The following PLSCR4 variants were observed in gnomAD, a reference collection of about 807,000 sequenced individuals.
PLSCR4 encodes phospholipid scramblase 4.
Under a neutral mutation model 36.3 loss-of-function variants are expected in PLSCR4, and 25 were observed. The observed-to-expected ratio is 0.69, with a 90% CI of 0.50 to 0.96. The LOEUF is 0.96. Ranked by LOEUF, PLSCR4 falls within the 40% of genes least tolerant of loss-of-function variation. PLSCR4 has a pLI of 0.00. For synonymous variants in PLSCR4, 122 were observed against 132.9 expected (o/e 0.92, Z 0.56); for missense variants, 408 against 414.7 (o/e 0.98, Z 0.14).
rs546438276 is a variant in PLSCR4, at chr3:146,215,479, T to C, written c.118+5336A>G. On this transcript the variant is annotated intron_variant, in intron 3 of 8. Transcript: ENST00000354952. ...ATCAATGTTGCAACACTGCAATGTA[T>C]AATCATGTAAATTCTTGTTTTTACT... 3.3e-5 allele frequency among the ~76,000 whole-genome samples: 5 copies of C among 152,308 alleles called. No individual in the cohort carries two copies. The East Asian group carries it at 7.7e-4, about 23-fold the overall frequency.
chr3:146,200,030 C>T lies in PLSCR4; in HGVS notation c.407G>A (p.Cys136Tyr), dbSNP rs1476246449. 1.3e-6 allele frequency: 2 copies of T among 1,549,246 alleles called. No individual in the cohort carries two copies. ...ATCATATCTATTATTAGTTTCAAAA[C>T]ATGTCATCACTAAAAAATAAAATGA... ...QHFEPLEMMT[C>Y]FETNNRYDIK... The change falls in exon 6 of 9, where the codon TGT becomes TAT. Residue 136 changes from cysteine (C) to tyrosine (Y), a missense_variant. Physicochemically the swap from Cys to Tyr is radical, Grantham distance 194. Transcript: ENST00000354952.
At chr3:146,209,464 C>T (rs1403400832) in intron 3 of PLSCR4, among the ~76,000 whole-genome samples, 1 of 152,054 alleles carries the variant, frequency 6.6e-6, no homozygotes, top group African/African-American at 2.4e-5. Context: ...AATAAGCACA[C>T]AACAGCTAAT....
intron 1 of PLSCR4, among the ~76,000 whole-genome samples, chr3:146,230,137 G>A (rs1247629019): frequency 6.6e-6 from 1 of 152,194 alleles, no homozygotes; most frequent in East Asian, 1.9e-4. Context: ...CTGTGGAGTT[G>A]CAAATTCTGG....
chr3:146,196,611 A>T, intron 7 of PLSCR4, 21 bp downstream of exon 7: 2 of 1,610,166 alleles, frequency 1.2e-6, no homozygotes, highest in Non-Finnish European at 1.7e-6. Context: ...TATCAGAAAC[A>T]CTATTTTTAC....
chr3:146,236,213 A>T (rs2035909016), intron 1 of PLSCR4, among the ~76,000 whole-genome samples: 1 of 152,078 alleles, frequency 6.6e-6, no homozygotes, highest in Non-Finnish European at 1.5e-5. Flanking sequence ...CATCTCAGAG[A>T]CCTTTGAGGC....
At position 146,225,510 on chromosome 3, in the gene PLSCR4, G is replaced by C. The variant is rs562248474; in HGVS notation, c.-21-3418C>G. Among the ~76,000 whole-genome samples, 262 of 152,262 alleles carry C rather than the reference G, an allele frequency of 1.7e-3. 1 individual carries two copies. The highest frequency in any genetic ancestry group is 6.0e-3 in the African/African-American group (248 of 41,550). On this transcript the variant is annotated intron_variant, in intron 1 of 8. Coordinates refer to ENST00000354952, the MANE Select transcript of PLSCR4 (RefSeq NM_020353.3). ...GGTGCTCGTCGGGGAGGCTCGGGCC[G>C]CACAGGAGCCCATGGAGGGGGTGGG...
At chr3:146,195,016 C>A in intron 8 of PLSCR4, 108 bp downstream of exon 8, 1 of 885,874 alleles carries the variant, frequency 1.1e-6, no homozygotes, top group Non-Finnish European at 1.7e-6. Context: ...GTAAGTGGCA[C>A]AGAGATAAGT....
chr3:146,241,531 A>T (rs2036149784), intron 1 of PLSCR4, among the ~76,000 whole-genome samples: 1 of 152,092 alleles, frequency 6.6e-6, no homozygotes, highest in Admixed American at 6.5e-5. Context: ...TGAAGGAAAA[A>T]CTGGCAAAAT....
chr3:146,225,457 T>C (rs2035413163), intron 1 of PLSCR4, among the ~76,000 whole-genome samples: 1 of 152,034 alleles, frequency 6.6e-6, no homozygotes, highest in Non-Finnish European at 1.5e-5. Context: ...GGGTGGTCGA[T>C]GGGACTGGGT....
intron 1 of PLSCR4, among the ~76,000 whole-genome samples, chr3:146,225,478 AG>A (rs1400336468): frequency 6.6e-6 from 1 of 151,982 alleles, no homozygotes; most frequent in East Asian, 1.9e-4. Flanking sequence ...GCGGTGGAGC[AG>A]GGGGTGGTGC....
intron 3 of PLSCR4, among the ~76,000 whole-genome samples, chr3:146,215,748 C>G (rs574209406): frequency 4.2e-4 from 64 of 152,234 alleles, no homozygotes; most frequent in African/African-American, 1.5e-3. Context: ...CAAAAATGAA[C>G]AAGGCTAGAA....
At chr3:146,228,400 A>G (rs560170863) in intron 1 of PLSCR4, among the ~76,000 whole-genome samples, 43 of 152,264 alleles carry the variant, frequency 2.8e-4, no homozygotes, top group African/African-American at 1.0e-3. Flanking sequence ...CCCATCTTCT[A>G]TATCCAGTAA....
At chr3:146,208,037 CT>C (rs1228673822) in intron 3 of PLSCR4, among the ~76,000 whole-genome samples, 2 of 152,040 alleles carry the variant, frequency 1.3e-5, no homozygotes, top group African/African-American at 4.8e-5. Flanking sequence ...TCAAATGATA[CT>C]ATAAGGACAT....
At chr3:146,194,999 G>T in intron 8 of PLSCR4, 125 bp downstream of exon 8, 1 of 719,488 alleles carries the variant, frequency 1.4e-6, no homozygotes, top group Non-Finnish European at 2.2e-6. Context: ...TCTAAACCAT[G>T]TAACTAGTAA....
At position 146,251,025 on chromosome 3, in the gene PLSCR4, G is replaced by C. The variant is rs1370207264; in HGVS notation, c.-87C>G. ...GCCGGGTCTAGTTGTACTGGCAGAG[G>C]AAAGGGAAAGGAAAGGAGGCAGGGA... is the stretch of plus-strand genomic sequence containing the variant. On this transcript the variant is annotated 5_prime_UTR_variant, in exon 1 of 9. Transcript: ENST00000354952. 1.3e-5 allele frequency: 2 copies of C among 152,916 alleles called. No homozygotes were observed. Among genetic ancestry groups the C allele is most frequent in the Non-Finnish European group, 2.9e-5 (2 of 68,630 alleles). The allele number at this position is 152,916 out of a possible 1,614,324, so 9.5% of individuals were successfully genotyped here.
chr3:146,194,428 G>A lies in PLSCR4; in HGVS notation c.973C>T (p.Pro325Ser). 1 of 1,607,288 alleles carries A rather than the reference G, an allele frequency of 6.2e-7. No homozygotes were observed. Among genetic ancestry groups the A allele is most frequent in the Non-Finnish European group, 8.5e-7 (1 of 1,174,036 alleles). The change falls in exon 9 of 9, where the codon CCA becomes TCA. Residue 325 changes from proline to serine, a missense_variant. Pro to Ser is a moderately conservative substitution (Grantham distance 74). Coordinates refer to ENST00000354952, the MANE Select transcript of PLSCR4 (RefSeq NM_020353.3). Reference protein sequence around the residue: ...IDFMYFERSPPQRSR With the variant: ...IDFMYFERSPSQRSR ...GTGTCTCTCTATCTTGAACGTTGTG[G>A]TGGAGATCTTTCAAAATACATGAAG...
chr3:146,198,088 T>C (rs2033846252), intron 6 of PLSCR4, among the ~76,000 whole-genome samples: 1 of 152,132 alleles, frequency 6.6e-6, no homozygotes, highest in Non-Finnish European at 1.5e-5. Context: ...AAAAGTTACA[T>C]ACTATATGAT....
At chr3:146,224,615 G>A (rs13086427) in intron 1 of PLSCR4, among the ~76,000 whole-genome samples, 56,179 of 151,636 alleles carry the variant, frequency 0.37, 11,113 homozygotes, top group South Asian at 0.52. Context: ...GACCCAAACA[G>A]TGAGCAGCAG....
At chr3:146,200,894 T>G (rs952828960) in intron 5 of PLSCR4, 141 bp downstream of exon 5, 1 of 591,716 alleles carries the variant, frequency 1.7e-6, no homozygotes, top group African/African-American at 2.0e-5. Flanking sequence ...TTTATTACTT[T>G]CTTGAAGATA....
Sources: gnomAD v4.1 joint callset for allele counts (sites outside exome capture counted in the v4.1 genomes callset) on GRCh38, gnomAD v4.1.1 for gene constraint, MANE v1.5 for transcripts, NCBI Gene and HGNC (gene_info 2026-07-23, HGNC 2026-07-21) for gene names.